The following LDLRAD4 variants were observed in gnomAD, a reference collection of about 807,000 sequenced individuals.
LDLRAD4 encodes low-density lipoprotein receptor class A domain-containing protein 4.
In LDLRAD4, 5 loss-of-function variants were observed where a neutral mutation model predicts 17.0. That is an observed-to-expected ratio of 0.29 (90% CI 0.15 to 0.62). LDLRAD4 has a LOEUF of 0.62. LDLRAD4 is among the 20% of genes least tolerant of loss of function. The probability of loss-of-function intolerance (pLI) is 0.84; values close to 1 mark genes in which losing one functional copy is unlikely to be tolerated. For synonymous variants in LDLRAD4, 168 were observed against 171.8 expected, an observed-to-expected ratio of 0.98 and a Z score of 0.17; for missense variants, 340 against 424.7, an observed-to-expected ratio of 0.80 and a Z score of 1.75.
chr18:13,326,244 A>T (rs1270049260), intron 1 of LDLRAD4, among the ~76,000 whole-genome samples: 1 of 152,138 alleles, frequency 6.6e-6, no homozygotes, highest in African/African-American at 2.4e-5. Context: ...TAGTATTTGT[A>T]TGTTTCCTTA....
intron 3 of LDLRAD4, among the ~76,000 whole-genome samples, chr18:13,546,339 A>C (rs1408894691): frequency 6.6e-6 from 1 of 152,056 alleles, no homozygotes; most frequent in African/African-American, 2.4e-5. Context: ...GTGGCTCAAC[A>C]ATAAAAGATT....
intron 4 of LDLRAD4, among the ~76,000 whole-genome samples, chr18:13,624,000 G>A (rs2040885322): frequency 6.6e-6 from 1 of 152,160 alleles, no homozygotes; most frequent in South Asian, 2.1e-4. Context: ...GCAGTGTCTG[G>A]CATCATAAGG....
At chr18:13,276,174 A>G (rs940032367), upstream of LDLRAD4, among the ~76,000 whole-genome samples, 1 of 151,906 alleles carries the variant, frequency 6.6e-6, no homozygotes, top group African/African-American at 2.4e-5. Context: ...ACGCTCAGCT[A>G]ATTTTTGTAT....
chr18:13,404,671 G>C lies in LDLRAD4; in HGVS notation c.40+16909G>C, dbSNP rs991121780. On this transcript the variant is annotated intron_variant, in intron 2 of 5. Transcript: ENST00000359446. ...AAATTAGCCGGGTGTAGTGGTGAGT[G>C]CCTGTAGTCCCAGCTACTCGGGAGG... Among the ~76,000 whole-genome samples the C allele has an allele frequency of 2.6e-5, 4 of 151,950 alleles. No individual in the cohort carries two copies. The South Asian group carries it at 8.3e-4, about 32-fold the overall frequency.
chr18:13,313,623 C>T (rs749501954), intron 1 of LDLRAD4, among the ~76,000 whole-genome samples: 5 of 152,174 alleles, frequency 3.3e-5, no homozygotes, highest in Non-Finnish European at 5.9e-5. Context: ...GCTTCTTGGC[C>T]CTTACGTGTG....
intron 3 of LDLRAD4, among the ~76,000 whole-genome samples, chr18:13,596,632 C>A (rs904811707): frequency 1.3e-5 from 2 of 152,142 alleles, no homozygotes; most frequent in Admixed American, 6.5e-5. Flanking sequence ...ACAAACCTAA[C>A]AATACATTGT....
At chr18:13,580,704 G>A (rs995139728) in intron 3 of LDLRAD4, among the ~76,000 whole-genome samples, 4 of 152,134 alleles carry the variant, frequency 2.6e-5, no homozygotes, top group Admixed American at 6.5e-5. Flanking sequence ...TGACTTGGCC[G>A]TGCCCTTGTC....
intron 4 of LDLRAD4, among the ~76,000 whole-genome samples, chr18:13,623,222 T>C (rs1418286314): frequency 1.3e-5 from 2 of 152,252 alleles, no homozygotes; most frequent in Non-Finnish European, 1.5e-5. Context: ...CTGCCCCACC[T>C]GCAGAGCCTC....
At chr18:13,424,996 G>T (rs1360870972) in intron 2 of LDLRAD4, among the ~76,000 whole-genome samples, 5 of 152,206 alleles carry the variant, frequency 3.3e-5, no homozygotes, top group Non-Finnish European at 7.3e-5. Flanking sequence ...ATAACAGTTT[G>T]CTTAATAGAA....
intron 1 of LDLRAD4, among the ~76,000 whole-genome samples, chr18:13,378,958 A>G (rs2085133241): frequency 6.6e-6 from 1 of 152,244 alleles, no homozygotes; most frequent in African/African-American, 2.4e-5. Flanking sequence ...TTCATCGGCC[A>G]TCTGCTGAGG....
chr18:13,228,667 C>A lies in LDLRAD4; in HGVS notation c.-467+9679C>A, dbSNP rs146750738. Among the ~76,000 whole-genome samples the A allele has an allele frequency of 3.1e-3, 476 of 152,226 alleles. 2 individuals are homozygous for A. Among genetic ancestry groups the A allele is most frequent in the African/African-American group, 0.011 (456 of 41,530 alleles). ...GGCTGGAGTTTGAGACCAGCCTGGG[C>A]AGCATAGTAAGACCCTATCTCTACA... On this transcript the variant is annotated intron_variant, in intron 1 of 5. Transcript: ENST00000399848.
At chr18:13,600,684 C>T (rs1443166868) in intron 3 of LDLRAD4, among the ~76,000 whole-genome samples, 2 of 152,194 alleles carry the variant, frequency 1.3e-5, no homozygotes, top group Non-Finnish European at 2.9e-5. Flanking sequence ...TTCTGCCTCT[C>T]AGAGGATGAA....
chr18:13,586,277 A>G (rs1008027080), intron 3 of LDLRAD4, among the ~76,000 whole-genome samples: 10 of 151,112 alleles, frequency 6.6e-5, no homozygotes, highest in African/African-American at 2.4e-4. Context: ...GCGTGGTGGC[A>G]GGCGTCTGTA....
intron 4 of LDLRAD4, among the ~76,000 whole-genome samples, chr18:13,627,213 A>G (rs143218755): frequency 1.3e-5 from 2 of 152,348 alleles, no homozygotes; most frequent in South Asian, 4.1e-4. Flanking sequence ...GTGAGCTGAG[A>G]TCACGCCATT....
intron 1 of LDLRAD4, among the ~76,000 whole-genome samples, chr18:13,223,063 G>A (rs551730961): frequency 2.0e-5 from 3 of 152,192 alleles, no homozygotes; most frequent in Non-Finnish European, 4.4e-5. Context: ...CAGAGTGACA[G>A]GTGTAATGAA....
intron 3 of LDLRAD4, among the ~76,000 whole-genome samples, chr18:13,547,445 G>A (rs1288417589): frequency 2.0e-5 from 3 of 152,192 alleles, no homozygotes; most frequent in Admixed American, 6.5e-5. Flanking sequence ...GTAGCCGGTG[G>A]CACCTTTGAC....
chr18:13,404,690 C>A (rs2087559765), intron 2 of LDLRAD4, among the ~76,000 whole-genome samples: 1 of 151,100 alleles, frequency 6.6e-6, no homozygotes, highest in Admixed American at 6.6e-5. Context: ...CCCAGCTACT[C>A]GGGAGGCTGA....
chr18:13,484,804 G>A (rs1412156997), intron 3 of LDLRAD4, among the ~76,000 whole-genome samples: 2 of 152,174 alleles, frequency 1.3e-5, no homozygotes, highest in African/African-American at 4.8e-5. Context: ...GTCAGTAAAT[G>A]TGAATCGATT....
chr18:13,584,987 C>A (rs530100425), intron 3 of LDLRAD4, among the ~76,000 whole-genome samples: 1 of 152,204 alleles, frequency 6.6e-6, no homozygotes, highest in East Asian at 1.9e-4. Context: ...TATTAGATAA[C>A]GAGGACAGAG....
Sources: gnomAD v4.1 joint callset for allele counts (sites outside exome capture counted in the v4.1 genomes callset) on GRCh38, gnomAD v4.1.1 for gene constraint, MANE v1.5 for transcripts, NCBI Gene and HGNC (gene_info 2026-07-23, HGNC 2026-07-21) for gene names.